ARB2A: variants seen among roughly 807,000 people sequenced by gnomAD.
The protein encoded by ARB2A is cotranscriptional regulator ARB2A.
At chr5:94,011,883 T>C in the ARB2A span, among the ~76,000 whole-genome samples, 1 of 43,356 alleles carries the variant, frequency 2.3e-5, no homozygotes, top group East Asian at 5.7e-4. Context: ...CAGAGTGATT[T>C]AAAAAAAAAA....
the ARB2A span, among the ~76,000 whole-genome samples, chr5:93,832,890 G>A: frequency 6.6e-6 from 1 of 152,054 alleles, no homozygotes; most frequent in Non-Finnish European, 1.5e-5. Flanking sequence ...GCTTCCAGGG[G>A]GAAGAGCCAG....
At chr5:93,905,479 G>A in the ARB2A span, among the ~76,000 whole-genome samples, 7 of 151,192 alleles carry the variant, frequency 4.6e-5, no homozygotes, top group African/African-American at 1.5e-4. Context: ...TAACTTTTTC[G>A]GAAAAAAATC....
the ARB2A span, among the ~76,000 whole-genome samples, chr5:93,991,079 G>T: frequency 6.6e-6 from 1 of 152,098 alleles, no homozygotes; most frequent in African/African-American, 2.4e-5. Flanking sequence ...TGAAACTGCA[G>T]GAGACTAGAC....
chr5:93,897,440 T>C, the ARB2A span, among the ~76,000 whole-genome samples: 1 of 151,920 alleles, frequency 6.6e-6, no homozygotes, highest in African/African-American at 2.4e-5. Context: ...AATTGTACTT[T>C]TGAGTTTCTT....
the ARB2A span, among the ~76,000 whole-genome samples, chr5:93,879,142 G>A: frequency 1.3e-5 from 2 of 152,034 alleles, no homozygotes; most frequent in African/African-American, 4.8e-5. Flanking sequence ...TAAGTAGAGA[G>A]AAGAAGAGCA....
the ARB2A span, chr5:93,683,280 C>T: frequency 1.9e-6 from 3 of 1,601,258 alleles, no homozygotes; most frequent in African/African-American, 1.3e-5. Flanking sequence ...TTGCTACCAC[C>T]TCCAGGGGCA....
chr5:94,044,495 C>T, the ARB2A span, among the ~76,000 whole-genome samples: 1 of 152,096 alleles, frequency 6.6e-6, no homozygotes, highest in Non-Finnish European at 1.5e-5. Context: ...CCTATTCAGC[C>T]TGAAGAAGTT....
the ARB2A span, among the ~76,000 whole-genome samples, chr5:93,879,020 G>T: frequency 3.9e-5 from 6 of 152,048 alleles, no homozygotes; most frequent in Non-Finnish European, 5.9e-5. Flanking sequence ...ACAAAGAATA[G>T]AAGATAATTT....
At chr5:93,854,203 G>T in the ARB2A span, among the ~76,000 whole-genome samples, 1 of 152,162 alleles carries the variant, frequency 6.6e-6, no homozygotes, top group Non-Finnish European at 1.5e-5. Flanking sequence ...TATGTGTCGA[G>T]AAATTTATCC....
At chr5:94,035,836 T>C in the ARB2A span, among the ~76,000 whole-genome samples, 8 of 151,474 alleles carry the variant, frequency 5.3e-5, no homozygotes, top group Admixed American at 5.3e-4. Context: ...GAGGAGAACA[T>C]CACAAACCAG....
the ARB2A span, among the ~76,000 whole-genome samples, chr5:93,835,978 G>A: frequency 3.3e-5 from 5 of 152,174 alleles, no homozygotes; most frequent in Admixed American, 2.0e-4. Flanking sequence ...ATGCAAAAAT[G>A]TAAGTTACCA....
the ARB2A span, among the ~76,000 whole-genome samples, chr5:93,971,333 C>A: frequency 6.6e-6 from 1 of 151,800 alleles, no homozygotes; most frequent in Non-Finnish European, 1.5e-5. Context: ...TTTGGGAGGC[C>A]GAGGCAGGTG....
At chr5:93,823,463 T>C in the ARB2A span, among the ~76,000 whole-genome samples, 1 of 152,166 alleles carries the variant, frequency 6.6e-6, no homozygotes, top group Non-Finnish European at 1.5e-5. Context: ...AAAATTCTGA[T>C]CAAGTATCAA....
At chr5:93,766,190 G>A in the ARB2A span, among the ~76,000 whole-genome samples, 1 of 152,090 alleles carries the variant, frequency 6.6e-6, no homozygotes, top group African/African-American at 2.4e-5. Context: ...CGACAAATGG[G>A]ATCTAATTAA....
chr5:93,768,977 C>T, the ARB2A span, among the ~76,000 whole-genome samples: 2 of 151,894 alleles, frequency 1.3e-5, no homozygotes, highest in South Asian at 4.2e-4. Flanking sequence ...AAAGGAAAAA[C>T]AAAAACAATA....
the ARB2A span, among the ~76,000 whole-genome samples, chr5:93,852,127 C>CT: frequency 1.3e-5 from 2 of 152,122 alleles, no homozygotes; most frequent in Non-Finnish European, 2.9e-5. Context: ...TGTTTCCTGA[C>CT]TTTTTAATGA....
chr5:93,797,219 A>AG, the ARB2A span, among the ~76,000 whole-genome samples: 2 of 152,112 alleles, frequency 1.3e-5, no homozygotes, highest in Non-Finnish European at 2.9e-5. Context: ...TACACTGAGG[A>AG]AGCGTTTATG....
At chr5:93,949,225 T>C in the ARB2A span, among the ~76,000 whole-genome samples, 1 of 152,022 alleles carries the variant, frequency 6.6e-6, no homozygotes, top group Admixed American at 6.5e-5. Context: ...GATGCAGGCA[T>C]ACAATAAGTA....
chr5:94,037,061 C>T, the ARB2A span, among the ~76,000 whole-genome samples: 3 of 152,096 alleles, frequency 2.0e-5, no homozygotes, highest in African/African-American at 4.8e-5. Flanking sequence ...TGCACCTTAA[C>T]ATAAAATATA....
Sources: gnomAD v4.1 joint callset for allele counts (sites outside exome capture counted in the v4.1 genomes callset) on GRCh38, gnomAD v4.1.1 for gene constraint, MANE v1.5 for transcripts, NCBI Gene and HGNC (gene_info 2026-07-23, HGNC 2026-07-21) for gene names.